Variants in STUM observed in about 807,000 individuals in gnomAD.
STUM encodes stum, mechanosensory transduction mediator homolog, also known as protein stum homolog.
In STUM, 8 loss-of-function variants were observed where a neutral mutation model predicts 15.3. The observed-to-expected ratio is 0.52, with a 90% CI of 0.31 to 0.94. The LOEUF is 0.94. Among genes scored for constraint, STUM ranks in the 40% least tolerant of loss-of-function variants. STUM has a pLI of 0.05. For missense variants in STUM, 142 were observed against 204.9 expected, an observed-to-expected ratio of 0.69 and a Z score of 1.87; for synonymous variants, 78 against 88.7, an observed-to-expected ratio of 0.88 and a Z score of 0.68.
chr1:226,603,868 G>C lies in STUM; in HGVS notation c.*1828G>C, dbSNP rs878150. 0.25 allele frequency: 38,504 copies of C among 152,254 alleles called. 5,218 individuals carry two copies. Among genetic ancestry groups the C allele is most frequent in the Middle Eastern group, 0.37 (109 of 298 alleles). The allele number at this position is 152,254 out of a possible 1,614,324, so 9.4% of individuals were successfully genotyped here. On this transcript the variant is annotated 3_prime_UTR_variant, in exon 4 of 4. Transcript: ENST00000366788. Reference sequence around the variant, plus strand: ...GCCTTTGCCTTCTTCTCTCCTGTTTGGAAGCCTCTGTATCTTCAAGGTGTG... The same window carrying C: ...GCCTTTGCCTTCTTCTCTCCTGTTTCGAAGCCTCTGTATCTTCAAGGTGTG...
chr1:226,561,882 C>T (rs1349941685), intron 1 of STUM, among the ~76,000 whole-genome samples: 1 of 151,984 alleles, frequency 6.6e-6, no homozygotes, highest in Admixed American at 6.6e-5. Flanking sequence ...CAATTAACAT[C>T]ATCTGAATCC....
chr1:226,561,238 T>C (rs995267055), intron 1 of STUM, among the ~76,000 whole-genome samples: 2 of 152,226 alleles, frequency 1.3e-5, no homozygotes, highest in African/African-American at 4.8e-5. Context: ...TTATCTTCTA[T>C]TTCCAATCGC....
chr1:226,576,639 T>G (rs1407732266), intron 1 of STUM, among the ~76,000 whole-genome samples: 3 of 152,202 alleles, frequency 2.0e-5, no homozygotes, highest in African/African-American at 7.2e-5. Flanking sequence ...GTAAGTACAT[T>G]CACAATGCTG....
At chr1:226,587,083 A>G (rs1011629068) in intron 1 of STUM, among the ~76,000 whole-genome samples, 1 of 152,136 alleles carries the variant, frequency 6.6e-6, no homozygotes, top group African/African-American at 2.4e-5. Flanking sequence ...TATGGTGTCC[A>G]GTTCTGTAGC....
intron 1 of STUM, among the ~76,000 whole-genome samples, chr1:226,556,561 G>A (rs1247087994): frequency 6.6e-6 from 1 of 152,108 alleles, no homozygotes; most frequent in Non-Finnish European, 1.5e-5. Context: ...GTGCCGTTTC[G>A]AGTTCAACAT....
intron 1 of STUM, among the ~76,000 whole-genome samples, chr1:226,575,547 T>TG (rs1440753102): frequency 6.6e-6 from 1 of 151,420 alleles, no homozygotes; most frequent in African/African-American, 2.4e-5. Context: ...GGGAACAGAG[T>TG]GGGGGGTGGC....
chr1:226,586,547 A>C (rs1410089314), intron 1 of STUM, among the ~76,000 whole-genome samples: 1 of 152,170 alleles, frequency 6.6e-6, no homozygotes, highest in African/African-American at 2.4e-5. Context: ...GGGTCAGCTC[A>C]GGGATCCCTG....
intron 1 of STUM, among the ~76,000 whole-genome samples, chr1:226,582,841 C>A (rs1202337641): frequency 6.6e-6 from 1 of 152,204 alleles, no homozygotes; most frequent in East Asian, 1.9e-4. Flanking sequence ...TGGTAACCAA[C>A]AAGTTTGTGA....
chr1:226,579,446 C>T (rs866117799), intron 1 of STUM, among the ~76,000 whole-genome samples: 21 of 152,110 alleles, frequency 1.4e-4, no homozygotes, highest in Non-Finnish European at 7.4e-5. Flanking sequence ...CTTCCTGTCT[C>T]TTCGAGGAGA....
intron 1 of STUM, among the ~76,000 whole-genome samples, chr1:226,575,842 T>C (rs943309419): frequency 6.6e-6 from 1 of 152,194 alleles, no homozygotes; most frequent in African/African-American, 2.4e-5. Context: ...GAGCCTTCTT[T>C]CCCTAATAGG....
chr1:226,548,851 C>A lies in STUM; in HGVS notation c.-54C>A. 3 of 1,277,808 alleles carry A rather than the reference C, an allele frequency of 2.3e-6. No homozygotes were observed. The highest frequency in any genetic ancestry group is 3.0e-6 in the Non-Finnish European group (3 of 1,013,360). 79.2% of individuals were successfully genotyped at this position (1,277,808 alleles called of 1,614,324 possible). On this transcript the variant is annotated 5_prime_UTR_variant, in exon 1 of 4. Transcript: ENST00000366788. ...CAGCCGACAGTCTCCTGCTCCCGTA[C>A]GCTGGGCGCCAGCTCCGGCCGTGCT...
intron 1 of STUM, among the ~76,000 whole-genome samples, chr1:226,572,306 T>C (rs1421986830): frequency 1.3e-5 from 2 of 152,162 alleles, no homozygotes; most frequent in African/African-American, 2.4e-5. Context: ...TTTCAGTCTG[T>C]TTTTCTAATA....
At chr1:226,582,556 T>C (rs1571806637) in intron 1 of STUM, among the ~76,000 whole-genome samples, 1 of 150,350 alleles carries the variant, frequency 6.7e-6, no homozygotes, top group African/African-American at 2.5e-5. Context: ...GGTCACACCA[T>C]TGCACTCCAG....
At chr1:226,556,934 G>C (rs759300915) in intron 1 of STUM, among the ~76,000 whole-genome samples, 6 of 152,178 alleles carry the variant, frequency 3.9e-5, no homozygotes, top group Non-Finnish European at 5.9e-5. Flanking sequence ...ATTACATCAA[G>C]CTAGTTAATG....
chr1:226,568,274 G>A lies in STUM; in HGVS notation c.202+19168G>A, dbSNP rs567783624. 2.0e-5 allele frequency among the ~76,000 whole-genome samples: 3 copies of A among 152,178 alleles called. No individual in the cohort carries two copies. The South Asian group carries it at 6.3e-4, about 32-fold the overall frequency. ...GCTTCTAGAGTAGTGAGGTTTCGGT[G>A]GGCCTCATTCCGAGGGTGCTGAGGG... On this transcript the variant is annotated intron_variant, in intron 1 of 3. Transcript: ENST00000366788.
intron 1 of STUM, among the ~76,000 whole-genome samples, chr1:226,575,174 G>C (rs576895506): frequency 6.6e-6 from 1 of 152,340 alleles, no homozygotes; most frequent in African/African-American, 2.4e-5. Flanking sequence ...GGTACCAGGA[G>C]CAGTCGCCTG....
At chr1:226,574,655 C>A (rs899468457) in intron 1 of STUM, among the ~76,000 whole-genome samples, 2 of 152,186 alleles carry the variant, frequency 1.3e-5, no homozygotes, top group African/African-American at 4.8e-5. Flanking sequence ...GGAAGCTATG[C>A]GCACTGTTTC....
chr1:226,549,530 G>A lies in STUM; in HGVS notation c.202+424G>A, dbSNP rs1368073212. Among the ~76,000 whole-genome samples the A allele has an allele frequency of 1.3e-5, 2 of 152,196 alleles. No individual in the cohort carries two copies. The highest frequency in any genetic ancestry group is 3.9e-4 in the East Asian group (2 of 5,180). Reference sequence around the variant, plus strand: ...GAATGAGCTCTAGGGCCTCGGCGGCGAGGATCAAACTCCCGGGCGTCGAAG... The same window carrying A: ...GAATGAGCTCTAGGGCCTCGGCGGCAAGGATCAAACTCCCGGGCGTCGAAG... On this transcript the variant is annotated intron_variant, in intron 1 of 3. Transcript: ENST00000366788. This position sits in a 1 kb window ranked among gnomAD's most constrained non-coding sequence, Gnocchi z 6.8.
At chr1:226,585,725 G>T (rs375909433) in intron 1 of STUM, among the ~76,000 whole-genome samples, 1 of 152,186 alleles carries the variant, frequency 6.6e-6, no homozygotes, top group East Asian at 1.9e-4. Context: ...TGAGGGCCAG[G>T]ACACTGAAGC....
Sources: allele counts gnomAD v4.1 joint callset (sites outside exome capture counted in the v4.1 genomes callset), GRCh38; gene constraint gnomAD v4.1.1; non-coding constraint Gnocchi (gnomAD v3.1); transcripts MANE v1.5; gene names NCBI Gene and HGNC (gene_info 2026-07-23, HGNC 2026-07-21).